The following RGS6 variants were observed in gnomAD, a reference collection of about 807,000 sequenced individuals.
RGS6 encodes the protein regulator of G-protein signaling 6.
In RGS6, 30 loss-of-function variants were observed where a neutral mutation model predicts 78.5. The ratio of observed to expected loss-of-function variants is 0.38; its 90% CI spans 0.29 to 0.52. The LOEUF (loss-of-function observed/expected upper bound fraction) is 0.52, where lower values mean the gene tolerates loss of function less well. Among genes scored for constraint, RGS6 ranks in the 20% least tolerant of loss-of-function variants. The pLI is 0.85. For synonymous variants in RGS6, 206 were observed against 206.0 expected (o/e 1.00, Z 0.00); for missense variants, 495 against 609.7 (o/e 0.81, Z 1.98).
intron 2 of RGS6, among the ~76,000 whole-genome samples, chr14:72,208,630 A>G (rs2043254412): frequency 6.6e-6 from 1 of 152,156 alleles, no homozygotes; most frequent in Non-Finnish European, 1.5e-5. Flanking sequence ...TGACTATATT[A>G]GATGCAAGTA....
intron 2 of RGS6, among the ~76,000 whole-genome samples, chr14:72,056,968 CAT>C (rs2093647672): frequency 6.6e-6 from 1 of 152,046 alleles, no homozygotes; most frequent in African/African-American, 2.4e-5. Context: ...GCTAAGGTAT[CAT>C]ATGTGTTGGC....
chr14:72,277,983 A>C (rs762536738), intron 2 of RGS6, among the ~76,000 whole-genome samples: 24 of 152,116 alleles, frequency 1.6e-4, no homozygotes, highest in Non-Finnish European at 2.6e-4. Flanking sequence ...CCCACCCCTA[A>C]TATCCTAGCT....
At chr14:72,515,659 C>G (rs899971963) in intron 14 of RGS6, 1 of 152,258 alleles carries the variant, frequency 6.6e-6, no homozygotes, top group African/African-American at 2.4e-5. Context: ...GATCATGACC[C>G]TGTCTCAAAA....
intron 2 of RGS6, among the ~76,000 whole-genome samples, chr14:72,004,940 C>A (rs1470452253): frequency 6.6e-6 from 1 of 152,154 alleles, no homozygotes; most frequent in African/African-American, 2.4e-5. Flanking sequence ...CATGTGTCTA[C>A]CAATGCAATG....
the RGS6 span, among the ~76,000 whole-genome samples, chr14:72,610,529 G>A: frequency 1.3e-5 from 2 of 152,222 alleles, no homozygotes; most frequent in Non-Finnish European, 2.9e-5. Flanking sequence ...TCCATGTCTT[G>A]GCTGTCAGAG....
rs556398430 is a variant in RGS6 at position 72,342,566 on chromosome 14, A to T, written c.85-9529A>T. Among the ~76,000 whole-genome samples, 290 of 40,232 alleles carry T rather than the reference A, an allele frequency of 7.2e-3. 2 individuals carry two copies. Among genetic ancestry groups the T allele is most frequent in the Non-Finnish European group, 0.011 (229 of 21,440 alleles). 26.4% of individuals were successfully genotyped at this position (40,232 alleles called of 152,430 possible). On this transcript the variant is annotated intron_variant, in intron 2 of 17. Transcript: ENST00000553525. ...CAAAGTGAGACTGAGACTCTGTCTT[A>T]AAAAAAAAAAAAAACTATCCAGGCG...
chr14:72,323,420 C>T (rs2072666836), intron 2 of RGS6, among the ~76,000 whole-genome samples: 1 of 150,556 alleles, frequency 6.6e-6, no homozygotes, highest in South Asian at 2.1e-4. Context: ...TTAAGTTATA[C>T]AGGTAATGCA....
chr14:72,282,601 G>C (rs2061765893), intron 2 of RGS6, among the ~76,000 whole-genome samples: 1 of 152,112 alleles, frequency 6.6e-6, no homozygotes, highest in African/African-American at 2.4e-5. Flanking sequence ...AGTTTTAACA[G>C]CTTTTTTGAG....
chr14:72,547,516 T>G, intron 17 of RGS6: 2 of 603,974 alleles, frequency 3.3e-6, no homozygotes, highest in Non-Finnish European at 3.0e-6. Context: ...GAGGCCAGGA[T>G]ACCTGTCCAT....
intron 2 of RGS6, among the ~76,000 whole-genome samples, chr14:72,011,327 TGATG>T (rs2085659290): frequency 6.6e-6 from 1 of 152,224 alleles, no homozygotes; most frequent in Non-Finnish European, 1.5e-5. Flanking sequence ...TACTTGGGCC[TGATG>T]GATCTTTCGA....
chr14:72,026,007 T>G (rs2153297399), intron 2 of RGS6, among the ~76,000 whole-genome samples: 1 of 152,178 alleles, frequency 6.6e-6, no homozygotes, highest in East Asian at 1.9e-4. Flanking sequence ...CAGACAAACC[T>G]CATCACATGA....
chr14:72,559,764 T>A (rs1349838137), intron 17 of RGS6, among the ~76,000 whole-genome samples: 1 of 152,114 alleles, frequency 6.6e-6, no homozygotes, highest in Non-Finnish European at 1.5e-5. Flanking sequence ...TGGCCACAGG[T>A]CCTTGGAGTC....
intron 3 of RGS6, among the ~76,000 whole-genome samples, chr14:72,391,869 A>G (rs534642293): frequency 6.6e-6 from 1 of 152,144 alleles, no homozygotes; most frequent in Admixed American, 6.5e-5. Context: ...TGTCCTTGTG[A>G]TAGTTTGCTG....
chr14:72,043,143 G>T (rs1034528899), intron 2 of RGS6, among the ~76,000 whole-genome samples: 4 of 151,996 alleles, frequency 2.6e-5, no homozygotes, highest in Non-Finnish European at 5.9e-5. Context: ...TTTATTAAGG[G>T]TGTTAATACT....
At chr14:72,040,544 CTCTT>C (rs148815209) in intron 2 of RGS6, among the ~76,000 whole-genome samples, 6,644 of 152,128 alleles carry the variant, frequency 0.044, 180 homozygotes, top group African/African-American at 0.078. Flanking sequence ...TCAAGATTCT[CTCTT>C]TGTTTTTGAT....
intron 2 of RGS6, among the ~76,000 whole-genome samples, chr14:72,285,758 T>C (rs2062424982): frequency 6.6e-6 from 1 of 152,260 alleles, no homozygotes. Flanking sequence ...ATTTCTCTCA[T>C]GATTGGCAAT....
At chr14:72,336,800 C>T (rs1044582852) in intron 2 of RGS6, among the ~76,000 whole-genome samples, 3 of 151,960 alleles carry the variant, frequency 2.0e-5, no homozygotes, top group African/African-American at 4.8e-5. Context: ...GGTTCCTTCT[C>T]GGGGCTGCCA....
chr14:72,526,467 G>C (rs2097122725), intron 15 of RGS6, among the ~76,000 whole-genome samples: 1 of 152,080 alleles, frequency 6.6e-6, no homozygotes, highest in South Asian at 2.1e-4. Context: ...AATATGCAAA[G>C]CTGTCTTTGA....
intron 2 of RGS6, among the ~76,000 whole-genome samples, chr14:72,017,220 C>G (rs971456967): frequency 1.1e-4 from 16 of 151,994 alleles, no homozygotes; most frequent in African/African-American, 3.6e-4. Context: ...TTTTTTTATC[C>G]CACATTTTTT....
Sources: gnomAD v4.1 joint callset for allele counts (sites outside exome capture counted in the v4.1 genomes callset) on GRCh38, gnomAD v4.1.1 for gene constraint, MANE v1.5 for transcripts, NCBI Gene and HGNC (gene_info 2026-07-23, HGNC 2026-07-21) for gene names.